PICALM: variants seen among roughly 807,000 people sequenced by gnomAD.
PICALM encodes phosphatidylinositol binding clathrin assembly protein, also known as phosphatidylinositol-binding clathrin assembly protein.
Under a neutral mutation model 80.5 loss-of-function variants are expected in PICALM, and 40 were observed. That is an observed-to-expected ratio of 0.50 (90% CI 0.39 to 0.65). The LOEUF (loss-of-function observed/expected upper bound fraction) is 0.65. Among genes scored for constraint, PICALM ranks in the 30% least tolerant of loss-of-function variants. The pLI is 0.00. For synonymous variants in PICALM, 288 were observed against 260.3 expected (o/e 1.11, Z -1.02); for missense variants, 676 against 778.9 (o/e 0.87, Z 1.57).
At chr11:86,045,989 T>C (rs115398262) in intron 1 of PICALM, among the ~76,000 whole-genome samples, 243 of 152,328 alleles carry the variant, frequency 1.6e-3, no homozygotes, top group African/African-American at 5.5e-3. Context: ...TTACTTTCAT[T>C]GCTACATTAG....
chr11:86,022,506 G>C, intron 3 of PICALM, 37 bp from the exon 4 acceptor site: 1 of 1,126,232 alleles, frequency 8.9e-7, no homozygotes, highest in South Asian at 1.6e-5. Flanking sequence ...AACAAAGAGA[G>C]AGACAAGTTT....
At chr11:86,035,690 C>A (rs1428095114) in intron 1 of PICALM, among the ~76,000 whole-genome samples, 1 of 151,940 alleles carries the variant, frequency 6.6e-6, no homozygotes, top group Non-Finnish European at 1.5e-5. Flanking sequence ...CATCTGTAAT[C>A]CCAGCACTTT....
intron 18 of PICALM, among the ~76,000 whole-genome samples, 188 bp from the exon 19 acceptor site, chr11:85,975,000 A>G (rs2094230410): frequency 1.3e-5 from 2 of 152,202 alleles, no homozygotes; most frequent in Non-Finnish European, 1.5e-5. Context: ...TTTGGTAAGT[A>G]AAGTCTTTAA....
rs112765746 is a variant in PICALM, at chr11:86,007,137, C to T, written c.807+405G>A. Among the ~76,000 whole-genome samples, 17 of 152,234 alleles carry T rather than the reference C, an allele frequency of 1.1e-4. 1 individual carries two copies. In the East Asian group the frequency reaches 2.9e-3, roughly 26 times the overall value. On this transcript the variant is annotated intron_variant, in intron 8 of 19. Coordinates refer to ENST00000393346, the MANE Select transcript of PICALM (RefSeq NM_007166.4). ...GTTTATCCCTAAATTAATACTCCCA[C>T]CTGAGTCAAACAGTCAAAGTGGAAG... is the stretch of plus-strand genomic sequence containing the variant.
Position 85,990,399 on chromosome 11 carries a change from T to C in PICALM, c.1259A>G (p.Asp420Gly). Residue 420 changes from aspartate to glycine, a missense_variant and splice_region_variant, in exon 13 of 20, where the codon GAT becomes GGT. Asp to Gly is a moderately conservative substitution (Grantham distance 94). Around this residue, in one of 2 missense-constraint regions of PICALM, gnomAD observed 391 missense variants for 383.6 expected, o/e 1.02. Transcript: ENST00000393346. ...TASQVASTWG[D>G]PFSATVDAVD... Reference sequence around the variant, plus strand: ...AGCATCTACAGTAGCAGAGAAAGGATCTGTGCAGTCCAAATGTATTATAGC... The same window carrying C: ...AGCATCTACAGTAGCAGAGAAAGGACCTGTGCAGTCCAAATGTATTATAGC... 1.3e-6 allele frequency: 2 copies of C among 1,596,350 alleles called. No individual in the cohort carries two copies.
chr11:86,052,512 A>G (rs2096206443), intron 1 of PICALM, among the ~76,000 whole-genome samples: 1 of 152,224 alleles, frequency 6.6e-6, no homozygotes, highest in Non-Finnish European at 1.5e-5. Flanking sequence ...GACTTCTTCA[A>G]TGATTCCTGT....
At chr11:86,039,451 C>T (rs926360136) in intron 1 of PICALM, among the ~76,000 whole-genome samples, 1 of 152,008 alleles carries the variant, frequency 6.6e-6, no homozygotes, top group Non-Finnish European at 1.5e-5. Flanking sequence ...CTCCCCCCAC[C>T]AGAAATGTAA....
chr11:85,974,146 C>T (rs1417109004), intron 19 of PICALM, among the ~76,000 whole-genome samples: 2 of 152,106 alleles, frequency 1.3e-5, no homozygotes, highest in African/African-American at 2.4e-5. Flanking sequence ...CTTAGAAACA[C>T]GTCAAGAGGA....
At chr11:86,013,520 A>G (rs977384211) in intron 5 of PICALM, among the ~76,000 whole-genome samples, 5 of 152,168 alleles carry the variant, frequency 3.3e-5, no homozygotes, top group African/African-American at 7.2e-5. Context: ...GACAGACAAG[A>G]GACAGAGAGA....
intron 17 of PICALM, chr11:85,976,965 G>A (rs2094302631): frequency 8.6e-6 from 2 of 233,430 alleles, no homozygotes. Context: ...AAAATCTTTA[G>A]ATTTAAAAAA....
intron 1 of PICALM, among the ~76,000 whole-genome samples, chr11:86,062,430 A>C (rs1483039429): frequency 6.6e-6 from 1 of 151,926 alleles, no homozygotes; most frequent in Non-Finnish European, 1.5e-5. Flanking sequence ...AGGCAGGAGA[A>C]TCCCTTGAAC....
chr11:85,996,438 T>C (rs896112087), intron 12 of PICALM, among the ~76,000 whole-genome samples: 1 of 152,006 alleles, frequency 6.6e-6, no homozygotes, highest in Non-Finnish European at 1.5e-5. Flanking sequence ...CTATATCATA[T>C]ACTTAACACA....
In PICALM at chr11:85,959,061, C is replaced by G; in HGVS notation, c.1945-1G>C. The G allele has an allele frequency of 6.3e-7, 1 of 1,577,900 alleles. No individual in the cohort carries two copies. Among genetic ancestry groups the G allele is most frequent in the African/African-American group, 1.4e-5 (1 of 73,552 alleles). The stretch of plus-strand genomic sequence containing the variant: ...TTCCATCAAGTTACATAAACTGTAT[C>G]TGGAAAAAAAAAGTGGGTATGTTAA... On this transcript the variant is annotated splice_acceptor_variant, in intron 19 of 19. Transcript: ENST00000393346. LOFTEE classifies it high-confidence loss of function.
intron 19 of PICALM, among the ~76,000 whole-genome samples, chr11:85,970,881 T>G (rs1180371802): frequency 6.6e-6 from 1 of 152,186 alleles, no homozygotes; most frequent in Non-Finnish European, 1.5e-5. Context: ...CAAAAGATTG[T>G]TCCAATATTT....
At chr11:86,036,120 T>A (rs1454776068) in intron 1 of PICALM, among the ~76,000 whole-genome samples, 1 of 152,112 alleles carries the variant, frequency 6.6e-6, no homozygotes, top group Non-Finnish European at 1.5e-5. Context: ...AAACAGAGGA[T>A]AAGGAACTTT....
At chr11:85,996,528 T>C (rs965317596) in intron 12 of PICALM, among the ~76,000 whole-genome samples, 6 of 152,144 alleles carry the variant, frequency 3.9e-5, no homozygotes, top group African/African-American at 9.6e-5. Context: ...TTTCTGGTTA[T>C]GGAATAAAAA....
chr11:86,039,966 T>G (rs1304945574), intron 1 of PICALM, among the ~76,000 whole-genome samples: 1 of 136,334 alleles, frequency 7.3e-6, no homozygotes, highest in Non-Finnish European at 1.5e-5. Context: ...ATCGCGCCAT[T>G]GCACTCCAGC....
chr11:86,000,987 T>A (rs1277050531), intron 10 of PICALM, 48 bp downstream of exon 10: 1 of 1,606,242 alleles, frequency 6.2e-7, no homozygotes, highest in African/African-American at 1.3e-5. Flanking sequence ...ATTTACCTAA[T>A]GAACACCTGT....
intron 4 of PICALM, 75 bp downstream of exon 4, chr11:86,022,292 C>A: frequency 3.7e-6 from 3 of 801,982 alleles, no homozygotes; most frequent in East Asian, 2.7e-5. Flanking sequence ...TTTCATAATT[C>A]ATAATCTAGT....
Sources: gnomAD v4.1 joint callset for allele counts (sites outside exome capture counted in the v4.1 genomes callset) on GRCh38, gnomAD v4.1.1 for gene constraint, gnomAD v4.1.1 regional missense constraint, MANE v1.5 for transcripts, NCBI Gene and HGNC (gene_info 2026-07-23, HGNC 2026-07-21) for gene names.